SLC25A51: variants seen among roughly 807,000 people sequenced by gnomAD.
SLC25A51 encodes solute carrier family 25 member 51.
SLC25A51 carries 11 observed loss-of-function variants against 19.1 expected under a neutral mutation model. The ratio of observed to expected loss-of-function variants is 0.58; its 90% CI spans 0.36 to 0.96. SLC25A51 has a LOEUF of 0.96. Among genes scored for constraint, SLC25A51 ranks in the 40% least tolerant of loss-of-function variants. SLC25A51 has a pLI of 0.01. For missense variants in SLC25A51, 201 were observed against 365.4 expected (o/e 0.55, Z 3.67); for synonymous variants, 105 against 133.6 (o/e 0.79, Z 1.47).
downstream of SLC25A51, chr9:37,886,538 T>A: frequency 2.1e-6 from 2 of 943,110 alleles, no homozygotes; most frequent in Non-Finnish European, 3.1e-6. Context: ...AAGAGGCATC[T>A]AGGGAATTGT....
chr9:37,895,972 C>A (rs528057152), intron 2 of SLC25A51, among the ~76,000 whole-genome samples: 2 of 152,120 alleles, frequency 1.3e-5, no homozygotes, highest in East Asian at 3.9e-4. Context: ...TGCTGCCATG[C>A]CCTGCTAATT....
intron 2 of SLC25A51, among the ~76,000 whole-genome samples, chr9:37,890,800 G>A (rs1470399734): frequency 6.6e-6 from 1 of 152,084 alleles, no homozygotes; most frequent in African/African-American, 2.4e-5. Context: ...GTTCACAGAA[G>A]TACTATTCAC....
intron 1 of SLC25A51, among the ~76,000 whole-genome samples, chr9:37,902,796 A>G (rs138897440): frequency 4.5e-4 from 68 of 152,372 alleles, no homozygotes; most frequent in African/African-American, 1.6e-3. Flanking sequence ...AAAACAGTGT[A>G]AAGTCTAAAA....
At chr9:37,879,010 T>C, downstream of SLC25A51, 1 of 265,510 alleles carries the variant, frequency 3.8e-6, no homozygotes, top group Non-Finnish European at 7.8e-6. Flanking sequence ...AGAGTTGCTT[T>C]TGAAATCAGA....
chr9:37,894,841 A>G (rs1036613634), intron 2 of SLC25A51, among the ~76,000 whole-genome samples: 9 of 152,116 alleles, frequency 5.9e-5, no homozygotes, highest in Non-Finnish European at 1.3e-4. Flanking sequence ...CACATCATTT[A>G]GCTTCCACTT....
chr9:37,898,063 A>T (rs1344812493), intron 2 of SLC25A51, among the ~76,000 whole-genome samples: 7 of 152,226 alleles, frequency 4.6e-5, no homozygotes, highest in Admixed American at 2.6e-4. Context: ...AGCTGCAATT[A>T]TAACTTAAGC....
intron 2 of SLC25A51, among the ~76,000 whole-genome samples, chr9:37,893,309 A>G (rs920983490): frequency 6.6e-6 from 1 of 150,960 alleles, no homozygotes; most frequent in Non-Finnish European, 1.5e-5. Context: ...TGTACAATCT[A>G]TGGCCTAACG....
chr9:37,886,289 G>A (rs761622158), downstream of SLC25A51: 13 of 1,613,758 alleles, frequency 8.1e-6, no homozygotes, highest in Non-Finnish European at 1.1e-5. Flanking sequence ...ATACCAGCGG[G>A]CCAAGAAGCT....
At chr9:37,889,476 G>A (rs1831533597) in intron 2 of SLC25A51, among the ~76,000 whole-genome samples, 1 of 152,038 alleles carries the variant, frequency 6.6e-6, no homozygotes. Context: ...TGGGATGATG[G>A]GGGCAAGGAA....
chr9:37,881,237 G>A (rs1831343608), intron 3 of SLC25A51, among the ~76,000 whole-genome samples: 1 of 151,046 alleles, frequency 6.6e-6, no homozygotes, highest in South Asian at 2.1e-4. Flanking sequence ...CAAACATCCA[G>A]ACCATGTAAC....
chr9:37,888,179 C>T lies in SLC25A51; in HGVS notation c.372G>A (p.Ala124=), dbSNP rs373288644. 3.2e-5 allele frequency: 52 copies of T among 1,613,864 alleles called. No homozygotes were observed. The highest frequency in any genetic ancestry group is 1.4e-4 in the South Asian group (13 of 91,074). ...CTTCTGTTGTCCCTGCAAGCACTGC[C>T]GCCACGCCACTGGTTGCAAACTCTG... ...SAPEFATSGV[A]AVLAGTTEAI... is the part of the protein sequence containing the mutation. Residue 124 remains alanine (A), a synonymous_variant, in exon 3 of 3, where the codon GCG becomes GCA. Coordinates refer to ENST00000242275, the MANE Select transcript of SLC25A51 (RefSeq NM_033412.4).
At chr9:37,899,568 T>A (rs1432441463) in intron 2 of SLC25A51, among the ~76,000 whole-genome samples, 3 of 152,170 alleles carry the variant, frequency 2.0e-5, no homozygotes, top group South Asian at 4.1e-4. Context: ...TCACTCTGTG[T>A]TGCCCAGGCT....
At chr9:37,896,431 A>T (rs1831716990) in intron 2 of SLC25A51, among the ~76,000 whole-genome samples, 1 of 151,706 alleles carries the variant, frequency 6.6e-6, no homozygotes, top group African/African-American at 2.4e-5. Flanking sequence ...ACTTCGGTGT[A>T]CTCTTCCCCA....
intron 2 of SLC25A51, among the ~76,000 whole-genome samples, chr9:37,891,580 A>C (rs537971267): frequency 1.9e-4 from 29 of 152,054 alleles, no homozygotes; most frequent in African/African-American, 7.0e-4. Context: ...TCTCTGAAAC[A>C]TGTGCTGTGT....
intron 2 of SLC25A51, among the ~76,000 whole-genome samples, chr9:37,891,682 C>A (rs999253862): frequency 6.6e-6 from 1 of 152,050 alleles, no homozygotes; most frequent in Non-Finnish European, 1.5e-5. Flanking sequence ...GTCATCACCA[C>A]TCCCTAATCG....
At chr9:37,889,995 T>A (rs1831547501) in intron 2 of SLC25A51, among the ~76,000 whole-genome samples, 2 of 151,970 alleles carry the variant, frequency 1.3e-5, no homozygotes, top group South Asian at 4.1e-4. Context: ...TAGAAACTTC[T>A]ATATATTAGA....
downstream of SLC25A51, chr9:37,886,341 C>T (rs988769593): frequency 2.5e-6 from 4 of 1,613,268 alleles, no homozygotes; most frequent in African/African-American, 4.0e-5. Flanking sequence ...CAGCCTGTGG[C>T]TTCAACCCCC....
At chr9:37,885,566 T>C (rs1831435192), downstream of SLC25A51, 1 of 644,296 alleles carries the variant, frequency 1.6e-6, no homozygotes, top group African/African-American at 1.8e-5. Flanking sequence ...ATTTTTTGTA[T>C]TTTTAGTAGA....
At chr9:37,890,667 G>A (rs954557213) in intron 2 of SLC25A51, among the ~76,000 whole-genome samples, 2 of 151,808 alleles carry the variant, frequency 1.3e-5, no homozygotes, top group African/African-American at 4.8e-5. Context: ...CTGCGTTCCA[G>A]CCTGGGTGAC....
Sources: gnomAD v4.1 joint callset for allele counts (sites outside exome capture counted in the v4.1 genomes callset) on GRCh38, gnomAD v4.1.1 for gene constraint, MANE v1.5 for transcripts, NCBI Gene and HGNC (gene_info 2026-07-23, HGNC 2026-07-21) for gene names.